The following NAV3 variants were observed in gnomAD, a reference collection of about 807,000 sequenced individuals.
NAV3 encodes the protein neuron navigator 3.
NAV3 carries 87 observed loss-of-function variants against 244.7 expected under a neutral mutation model. The observed-to-expected ratio is 0.36, with a 90% confidence interval of 0.30 to 0.42. The LOEUF (loss-of-function observed/expected upper bound fraction) is 0.42. NAV3 is among the 20% of genes least tolerant of loss of function. The pLI, the probability that NAV3 is intolerant of heterozygous loss-of-function variation, is 1.00. For missense variants in NAV3, 2,663 were observed against 2,893.3 expected (o/e 0.92, Z 1.83); for synonymous variants, 1,126 against 1,042.2 (o/e 1.08, Z -1.55).
At chr12:77,778,255 C>A (rs1445774323) in intron 2 of NAV3, among the ~76,000 whole-genome samples, 1 of 149,316 alleles carries the variant, frequency 6.7e-6, no homozygotes, top group Non-Finnish European at 1.5e-5. Context: ...CCCCGCCCCC[C>A]GTCCTTGCTT....
rs550731583 is a variant in NAV3 at position 77,907,392 on chromosome 12, G to C, written c.244-32927G>C. Among the ~76,000 whole-genome samples, 9 of 152,146 alleles carry C rather than the reference G, an allele frequency of 5.9e-5. No individual in the cohort carries two copies. The East Asian group carries it at 1.4e-3, about 23-fold the overall frequency. The stretch of plus-strand genomic sequence containing the variant: ...TGAAGTAGTTTCTAGTTGCCTCCAG[G>C]TGAGAGTTTTTGGTAACCTTCTCAT... On this transcript the variant is annotated intron_variant, in intron 1 of 39. Coordinates refer to ENST00000397909, the MANE Select transcript of NAV3 (RefSeq NM_001024383.2).
At position 77,831,475 on chromosome 12, in the gene NAV3, G is replaced by A. The variant is rs2136074119; in HGVS notation, c.14G>A (p.Gly5Glu). 3 of 1,605,546 alleles carry A rather than the reference G, an allele frequency of 1.9e-6. No homozygotes were observed. The highest frequency in any genetic ancestry group is 2.5e-6 in the Non-Finnish European group (3 of 1,177,570). MPVLGVASKLRQPAV... is the reference protein window; with the variant it reads MPVLEVASKLRQPAV... ...TTTATAGAAGCCATGCCTGTTCTTG[G>A]GGTTGCCTCAAAACTGAGGCAGCCA... Residue 5 changes from glycine (G) to glutamate (E), a missense_variant, in exon 1 of 40, where the codon GGG becomes GAG. Physicochemically the swap from Gly to Glu is moderately conservative, Grantham distance 98. Transcript: ENST00000397909.
At chr12:77,683,579 G>A (rs10160887) in intron 2 of NAV3, among the ~76,000 whole-genome samples, 8,401 of 152,208 alleles carry the variant, frequency 0.055, 535 homozygotes, top group African/African-American at 0.16. Context: ...AATTTTGATA[G>A]AGATTGCACT....
chr12:77,983,985 G>A (rs1870028155), intron 5 of NAV3, among the ~76,000 whole-genome samples: 1 of 152,044 alleles, frequency 6.6e-6, no homozygotes, highest in African/African-American at 2.4e-5. Context: ...AAAACACTAA[G>A]TCCTGAACTT....
rs114019736 is a variant in NAV3, at chr12:77,887,390, A to T, written c.244-52929A>T. Among the ~76,000 whole-genome samples, 1,234 of 152,246 alleles carry T rather than the reference A, an allele frequency of 8.1e-3. 13 individuals are homozygous for T. Among genetic ancestry groups the T allele is most frequent in the African/African-American group, 0.028 (1,179 of 41,554 alleles). ...TTCAAGGGAAAATTCAAGTATGAGTACTTATTGCCTTATGTGGTAACTTCA... is the reference window on the plus strand; with the variant it reads ...TTCAAGGGAAAATTCAAGTATGAGTTCTTATTGCCTTATGTGGTAACTTCA... On this transcript the variant is annotated intron_variant, in intron 1 of 39. Coordinates refer to ENST00000397909, the MANE Select transcript of NAV3 (RefSeq NM_001024383.2).
chr12:77,920,154 G>C (rs1165244418), intron 1 of NAV3, among the ~76,000 whole-genome samples: 1 of 151,916 alleles, frequency 6.6e-6, no homozygotes, highest in Non-Finnish European at 1.5e-5. Flanking sequence ...TCTTTAAATA[G>C]TAGTTTCCTC....
chr12:77,790,574 G>A (rs995953832), intron 2 of NAV3, among the ~76,000 whole-genome samples: 3 of 152,124 alleles, frequency 2.0e-5, no homozygotes, highest in Admixed American at 2.0e-4. Flanking sequence ...TGTGTAATTT[G>A]CAATCTGGCT....
chr12:77,986,722 T>G lies in NAV3; in HGVS notation c.672-8081T>G, dbSNP rs1190656949. 4.6e-5 allele frequency among the ~76,000 whole-genome samples: 7 copies of G among 152,174 alleles called. No homozygotes were observed. In the East Asian group the frequency reaches 1.3e-3, roughly 29 times the overall value. On this transcript the variant is annotated intron_variant, in intron 5 of 39. Transcript: ENST00000397909. ...TAGAATAGTCTACAAACATCTTACA[T>G]GAAATTATTAAAATTTTCTTAGCTG...
chr12:77,952,354 A>G (rs1003906791), intron 3 of NAV3, among the ~76,000 whole-genome samples: 2 of 152,054 alleles, frequency 1.3e-5, no homozygotes, highest in Non-Finnish European at 2.9e-5. Flanking sequence ...TGAAAAGTTG[A>G]TCTTTGCTTC....
chr12:78,049,938 T>C, intron 9 of NAV3, 55 bp from the exon 10 acceptor site: 1 of 1,217,194 alleles, frequency 8.2e-7, no homozygotes, highest in Non-Finnish European at 1.2e-6. Flanking sequence ...GGTATACAAT[T>C]ATTTTGAGGA....
intron 2 of NAV3, among the ~76,000 whole-genome samples, chr12:77,776,431 GA>G (rs1252567559): frequency 6.6e-6 from 1 of 152,110 alleles, no homozygotes; most frequent in Non-Finnish European, 1.5e-5. Flanking sequence ...CCCTCTATAG[GA>G]AAACACATAA....
At chr12:78,159,440 G>A (rs1486634807) in intron 23 of NAV3, among the ~76,000 whole-genome samples, 154 bp downstream of exon 23, 7 of 152,082 alleles carry the variant, frequency 4.6e-5, no homozygotes, top group Non-Finnish European at 1.0e-4. Context: ...AAGGTGGGTG[G>A]ATCACTTAAG....
intron 2 of NAV3, among the ~76,000 whole-genome samples, chr12:77,664,650 A>G (rs1455454327): frequency 1.3e-5 from 2 of 152,206 alleles, no homozygotes; most frequent in African/African-American, 2.4e-5. Context: ...TCAAAAGTTA[A>G]GTGCTGTATT....
intron 2 of NAV3, among the ~76,000 whole-genome samples, chr12:77,681,580 C>A (rs572321444): frequency 6.6e-6 from 1 of 152,146 alleles, no homozygotes; most frequent in Non-Finnish European, 1.5e-5. Context: ...GAGAAAGGAA[C>A]CACAAACCGT....
intron 1 of NAV3, among the ~76,000 whole-genome samples, chr12:77,873,469 A>T (rs1010949464): frequency 6.6e-6 from 1 of 151,634 alleles, no homozygotes; most frequent in Non-Finnish European, 1.5e-5. Flanking sequence ...GATGAACTTA[A>T]TTTTTAATGA....
intron 20 of NAV3, among the ~76,000 whole-genome samples, chr12:78,142,916 T>A (rs1223367536): frequency 4.0e-5 from 6 of 151,798 alleles, no homozygotes; most frequent in Non-Finnish European, 8.8e-5. Flanking sequence ...AGTAAAATAA[T>A]TCAAATAAAT....
intron 2 of NAV3, among the ~76,000 whole-genome samples, chr12:77,639,419 T>A (rs1872297526): frequency 6.6e-6 from 1 of 152,178 alleles, no homozygotes; most frequent in African/African-American, 2.4e-5. Flanking sequence ...TCTATAGCAC[T>A]CATTATGATC....
intron 9 of NAV3, among the ~76,000 whole-genome samples, chr12:78,027,444 CA>C (rs200829915): frequency 1.4e-4 from 9 of 66,010 alleles, no homozygotes; most frequent in South Asian, 5.7e-4. Flanking sequence ...ACCTTGTCTC[CA>C]AAAAAAAAGG....
chr12:77,659,711 A>G (rs1873335231), intron 2 of NAV3, among the ~76,000 whole-genome samples: 1 of 152,236 alleles, frequency 6.6e-6, no homozygotes, highest in African/African-American at 2.4e-5. Context: ...GAACCAATCC[A>G]AATGTCCAAC....
Sources: gnomAD v4.1 joint callset for allele counts (sites outside exome capture counted in the v4.1 genomes callset) on GRCh38, gnomAD v4.1.1 for gene constraint, MANE v1.5 for transcripts, NCBI Gene and HGNC (gene_info 2026-07-23, HGNC 2026-07-21) for gene names.